The following SORCS1 variants were observed in gnomAD, a reference collection of about 807,000 sequenced individuals.
The protein encoded by SORCS1 is VPS10 domain-containing receptor SorCS1.
Under a neutral mutation model 146.1 loss-of-function variants are expected in SORCS1, and 60 were observed. That is an observed-to-expected ratio of 0.41 (90% CI 0.33 to 0.51). The LOEUF (loss-of-function observed/expected upper bound fraction) is 0.51, where lower values mean the gene tolerates loss of function less well. Among genes scored for constraint, SORCS1 ranks in the 20% least tolerant of loss-of-function variants. The pLI is 0.21. For synonymous variants in SORCS1, 637 were observed against 584.0 expected, an observed-to-expected ratio of 1.09 and a Z score of -1.31; for missense variants, 1,352 against 1,487.6, an observed-to-expected ratio of 0.91 and a Z score of 1.50.
intron 1 of SORCS1, among the ~76,000 whole-genome samples, chr10:107,134,778 C>T (rs184087799): frequency 5.7e-4 from 86 of 152,178 alleles, no homozygotes; most frequent in Non-Finnish European, 1.1e-3. Flanking sequence ...ATAGGGAACC[C>T]GGAAGGATTT....
At chr10:107,173,369 T>C in the SORCS1 span, among the ~76,000 whole-genome samples, 1 of 152,132 alleles carries the variant, frequency 6.6e-6, no homozygotes, top group Non-Finnish European at 1.5e-5. Context: ...AGAGAGTAGA[T>C]TTTAAGTGCT....
intron 1 of SORCS1, among the ~76,000 whole-genome samples, chr10:107,157,022 G>C (rs1035449641): frequency 6.6e-5 from 10 of 152,200 alleles, no homozygotes; most frequent in African/African-American, 2.4e-4. Context: ...GAGGCTCCTT[G>C]TTTTGAAGCC....
intron 3 of SORCS1, among the ~76,000 whole-genome samples, chr10:106,808,918 C>G (rs577001675): frequency 1.5e-4 from 23 of 152,306 alleles, no homozygotes; most frequent in African/African-American, 5.1e-4. Flanking sequence ...AAACTCCCTC[C>G]ACTCTAGAGG....
intron 1 of SORCS1, among the ~76,000 whole-genome samples, chr10:107,134,364 C>T (rs1422189142): frequency 2.6e-5 from 4 of 152,184 alleles, no homozygotes; most frequent in Non-Finnish European, 4.4e-5. Context: ...ATCGGCCAGG[C>T]GCGGTGGCTC....
At chr10:107,065,193 T>C (rs1196574486) in intron 1 of SORCS1, among the ~76,000 whole-genome samples, 1 of 152,084 alleles carries the variant, frequency 6.6e-6, no homozygotes, top group Non-Finnish European at 1.5e-5. Flanking sequence ...ATATCTCTTC[T>C]GGTTCAGAAA....
At chr10:107,151,089 G>A (rs1350632949) in intron 1 of SORCS1, among the ~76,000 whole-genome samples, 1 of 152,178 alleles carries the variant, frequency 6.6e-6, no homozygotes, top group Non-Finnish European at 1.5e-5. Flanking sequence ...GGGCTCAGAA[G>A]AAGACAGGAG....
intron 1 of SORCS1, among the ~76,000 whole-genome samples, chr10:107,052,991 C>T (rs959738332): frequency 6.6e-6 from 1 of 152,110 alleles, no homozygotes; most frequent in Admixed American, 6.6e-5. Context: ...AGGATGTAAT[C>T]CACACAAATC....
Position 106,611,010 on chromosome 10 carries a change from G to T in SORCS1, c.3033+901C>A, listed in dbSNP as rs575931329. The stretch of plus-strand genomic sequence containing the variant: ...TGGGAGAATCGCTTGAACCCGGAAG[G>T]CAGAGGTAGCAGTGAGATGAGATTG... On this transcript the variant is annotated intron_variant, in intron 22 of 25. Transcript: ENST00000263054. 1.2e-4 allele frequency among the ~76,000 whole-genome samples: 18 copies of T among 152,264 alleles called. No homozygotes were observed. In the South Asian group the frequency reaches 1.7e-3, roughly 14 times the overall value.
rs1856488098 is a variant in SORCS1, at chr10:106,730,108, C to T, written c.966G>A (p.Val322=). The T allele has an allele frequency of 1.9e-6, 3 of 1,613,976 alleles. 1 individual carries two copies. The South Asian group carries it at 3.3e-5, about 18-fold the overall frequency. Residue 322 remains valine (V), a synonymous_variant, in exon 6 of 26, where the codon GTG becomes GTA. Transcript: ENST00000263054. ...GVVPNRFYWS[V]MGSNKEPDLV... ...GGTCTGGTTCTTTATTTGACCCCAT[C>T]ACAGACCTAAAAAATGGAGAAACAT...
intron 9 of SORCS1, among the ~76,000 whole-genome samples, chr10:106,689,289 A>T (rs1478273306): frequency 1.3e-5 from 2 of 152,156 alleles, no homozygotes; most frequent in African/African-American, 4.8e-5. Context: ...ATTCATGCAT[A>T]TTTTACCCTG....
chr10:107,005,472 CA>C (rs1957402658), intron 1 of SORCS1, among the ~76,000 whole-genome samples: 1 of 151,972 alleles, frequency 6.6e-6, no homozygotes, highest in African/African-American at 2.4e-5. Context: ...AAAACTTTCA[CA>C]AATAAAGGCT....
chr10:107,132,006 A>C (rs864263), intron 1 of SORCS1, among the ~76,000 whole-genome samples: 4,492 of 152,266 alleles, frequency 0.03, 237 homozygotes, highest in African/African-American at 0.1. Flanking sequence ...TCTTTCTTTG[A>C]GAAGAAAGTA....
chr10:106,582,213 T>C (rs2133211020), intron 24 of SORCS1, among the ~76,000 whole-genome samples: 1 of 152,268 alleles, frequency 6.6e-6, no homozygotes. Flanking sequence ...CCCCAGGTTG[T>C]CTTTCGATTC....
intron 17 of SORCS1, among the ~76,000 whole-genome samples, chr10:106,663,624 C>A (rs1263566612): frequency 6.6e-6 from 1 of 152,158 alleles, no homozygotes; most frequent in East Asian, 1.9e-4. Flanking sequence ...TGGTGAGGGG[C>A]TGAAGTGACA....
intron 1 of SORCS1, among the ~76,000 whole-genome samples, chr10:107,023,117 C>T (rs781373628): frequency 6.6e-6 from 1 of 152,148 alleles, no homozygotes; most frequent in Non-Finnish European, 1.5e-5. Flanking sequence ...AGAGTTACAT[C>T]AGATAATGCA....
At chr10:106,830,529 G>A (rs1360545900) in intron 2 of SORCS1, among the ~76,000 whole-genome samples, 1 of 149,386 alleles carries the variant, frequency 6.7e-6, no homozygotes, top group African/African-American at 2.5e-5. Flanking sequence ...AGGTATTTTC[G>A]CCTAGGCCCC....
intron 1 of SORCS1, among the ~76,000 whole-genome samples, chr10:106,963,726 G>A (rs1291077469): frequency 1.3e-5 from 2 of 152,062 alleles, no homozygotes; most frequent in Non-Finnish European, 2.9e-5. Flanking sequence ...GAAAACAAGA[G>A]CTTTCTTTAG....
At chr10:107,013,483 C>A (rs891344061) in intron 1 of SORCS1, among the ~76,000 whole-genome samples, 1 of 128,436 alleles carries the variant, frequency 7.8e-6, no homozygotes, top group Non-Finnish European at 1.5e-5. Flanking sequence ...TTTGAGTAGG[C>A]TAATAAGAGA....
intron 2 of SORCS1, among the ~76,000 whole-genome samples, chr10:106,855,216 T>C: frequency 6.6e-6 from 1 of 152,208 alleles, no homozygotes; most frequent in East Asian, 1.9e-4. Flanking sequence ...CTTGCCTGTA[T>C]AGATCTGAGA....
Sources: gnomAD v4.1 joint callset for allele counts (sites outside exome capture counted in the v4.1 genomes callset) on GRCh38, gnomAD v4.1.1 for gene constraint, MANE v1.5 for transcripts, NCBI Gene and HGNC (gene_info 2026-07-23, HGNC 2026-07-21) for gene names.